MAN2B2: variants seen among roughly 807,000 people sequenced by gnomAD.
MAN2B2 encodes epididymis-specific alpha-mannosidase.
A neutral mutation model predicts 117.1 loss-of-function variants in MAN2B2; 106 were observed. The observed-to-expected ratio is 0.90, with a 90% CI of 0.77 to 1.06. The LOEUF (loss-of-function observed/expected upper bound fraction) is 1.06. MAN2B2 is among the 50% of genes least tolerant of loss of function. The pLI is 0.00. For synonymous variants in MAN2B2, 544 were observed against 595.1 expected, an observed-to-expected ratio of 0.91 and a Z score of 1.25; for missense variants, 1,326 against 1,381.4, an observed-to-expected ratio of 0.96 and a Z score of 0.64.
At chr4:6,593,795 A>G (rs2108743207) in intron 6 of MAN2B2, among the ~76,000 whole-genome samples, 1 of 152,334 alleles carries the variant, frequency 6.6e-6, no homozygotes, top group East Asian at 1.9e-4. Context: ...TGTGCTGGGC[A>G]CTGCCCCGTG....
At position 6,609,907 on chromosome 4, in the gene MAN2B2, G is replaced by C; in HGVS notation, c.2116G>C (p.Ala706Pro). 6.2e-7 allele frequency: 1 copy of C among 1,614,166 alleles called. No individual in the cohort carries two copies. Among genetic ancestry groups the C allele is most frequent in the Non-Finnish European group, 8.5e-7 (1 of 1,180,034 alleles). The change falls in exon 13 of 19, where the codon GCC becomes CCC. Residue 706 changes from alanine to proline, a missense_variant. Coordinates refer to ENST00000285599, the MANE Select transcript of MAN2B2 (RefSeq NM_015274.3). Reference protein sequence around the residue: ...LCHRIEQEYQAGPLELNREAV... With the variant: ...LCHRIEQEYQPGPLELNREAV... ...CCACCGGATAGAGCAGGAGTACCAA[G>C]CCGGCCCCCTGGAGCTGAACCGTGA... is the stretch of plus-strand genomic sequence containing the variant.
At chr4:6,594,477 C>T in intron 6 of MAN2B2, 57 bp from the exon 7 acceptor site, 1 of 1,566,934 alleles carries the variant, frequency 6.4e-7, no homozygotes, top group South Asian at 1.1e-5. Flanking sequence ...CGGCCCACCC[C>T]CACTGGGCGA....
chr4:6,595,383 C>A (rs1430462607), intron 7 of MAN2B2, among the ~76,000 whole-genome samples: 1 of 152,242 alleles, frequency 6.6e-6, no homozygotes, highest in African/African-American at 2.4e-5. Flanking sequence ...CAGGGCTCAG[C>A]AGATGTCCTA....
chr4:6,579,099 GCACCACCACCATCACCATCACCACTAC>G (rs1726218210), intron 3 of MAN2B2, among the ~76,000 whole-genome samples: 19 of 21,982 alleles, frequency 8.6e-4, no homozygotes, highest in African/African-American at 2.7e-3. Flanking sequence ...ACCATCACCA[GCACCACCACCATCACCATCACCACTAC>G]CACCACCACC....
Position 6,621,579 on chromosome 4 carries a change from A to C in MAN2B2, c.*294A>C. ...TGCGTCATTCATTCACAAAACACAA[A>C]CCCAGGACTTTCTGCCTAAGGCAGA... On this transcript the variant is annotated 3_prime_UTR_variant, in exon 19 of 19. Coordinates refer to ENST00000285599, the MANE Select transcript of MAN2B2 (RefSeq NM_015274.3). 2.1e-5 allele frequency: 6 copies of C among 286,938 alleles called. No individual in the cohort carries two copies. The highest frequency in any genetic ancestry group is 1.3e-5 in the Non-Finnish European group (2 of 152,084). 17.8% of individuals were successfully genotyped at this position (286,938 alleles called of 1,614,324 possible).
chr4:6,617,281 A>G, intron 16 of MAN2B2, 99 bp from the exon 17 acceptor site: 1 of 853,924 alleles, frequency 1.2e-6, no homozygotes, highest in East Asian at 2.5e-5. Context: ...GGTTACAGAT[A>G]GGAAATGGAG....
chr4:6,601,650 G>T (rs1364063493), intron 10 of MAN2B2, among the ~76,000 whole-genome samples: 1 of 152,214 alleles, frequency 6.6e-6, no homozygotes, highest in Non-Finnish European at 1.5e-5. Flanking sequence ...TATGGGCCTT[G>T]CCAGAAGGCA....
At position 6,610,998 on chromosome 4, in the gene MAN2B2, G is replaced by A. The variant is rs757090787; in HGVS notation, c.2370+8G>A. On this transcript the variant is annotated splice_region_variant and intron_variant, in intron 14 of 18. Transcript: ENST00000285599. ...GGGAATGGGCAGGTGGAGGTAGGAG[G>A]CACGGTCTGTCCTACAGCAGCCCCT... 6.2e-6 allele frequency: 10 copies of A among 1,613,928 alleles called. No individual in the cohort carries two copies. The highest frequency in any genetic ancestry group is 8.5e-6 in the Non-Finnish European group (10 of 1,179,930).
At chr4:6,579,213 C>CCACCACTACCACCACCATCACCAT (rs1726271090) in intron 3 of MAN2B2, among the ~76,000 whole-genome samples, 1 of 78,780 alleles carries the variant, frequency 1.3e-5, no homozygotes, top group Non-Finnish European at 2.8e-5. Context: ...ATCACCATCA[C>CCACCACTACCACCACCATCACCAT]CACCACCACC....
rs1252244983 is a variant in MAN2B2 at position 6,610,733 on chromosome 4, C to T, written c.2260-147C>T. On this transcript the variant is annotated intron_variant, in intron 13 of 18. Transcript: ENST00000285599. ...AAGCCACAGAGCTGGTGTCTGAACC[C>T]CAGTCTGTTGGTCTCCAAAGTCAGG... 5.9e-6 allele frequency: 4 copies of T among 682,640 alleles called. No individual in the cohort carries two copies. The East Asian group carries it at 1.1e-4, about 18-fold the overall frequency. 42.3% of individuals were successfully genotyped at this position (682,640 alleles called of 1,614,324 possible). A position where few individuals can be genotyped will look rare whatever the true frequency, so the allele number is the denominator to read the frequency against.
intron 10 of MAN2B2, among the ~76,000 whole-genome samples, chr4:6,600,995 G>C (rs1465593855): frequency 6.6e-6 from 1 of 152,136 alleles, no homozygotes; most frequent in Non-Finnish European, 1.5e-5. Context: ...AGTACCTGGA[G>C]TGAGCACAGA....
chr4:6,591,835 G>A (rs1473717067), intron 5 of MAN2B2, among the ~76,000 whole-genome samples: 1 of 152,146 alleles, frequency 6.6e-6, no homozygotes, highest in Admixed American at 6.5e-5. Context: ...CACATTCCTG[G>A]CTTGCTGTTC....
At chr4:6,598,134 T>C in intron 8 of MAN2B2, 64 bp from the exon 9 acceptor site, 1 of 1,559,192 alleles carries the variant, frequency 6.4e-7, no homozygotes, top group Non-Finnish European at 8.8e-7. Context: ...AGTAGGTGCC[T>C]TGTAGGTGCT....
chr4:6,610,828 C>T, intron 13 of MAN2B2, 52 bp from the exon 14 acceptor site: 1 of 1,526,524 alleles, frequency 6.6e-7, no homozygotes, highest in Non-Finnish European at 9.1e-7. Flanking sequence ...TGATGCCTGA[C>T]CTACCTTGCC....
intron 9 of MAN2B2, among the ~76,000 whole-genome samples, chr4:6,600,365 G>T (rs945057146): frequency 2.0e-5 from 3 of 152,196 alleles, no homozygotes; most frequent in African/African-American, 7.2e-5. Context: ...TAGAACCTCA[G>T]TTCTCCAGGG....
chr4:6,597,106 C>G lies in MAN2B2; in HGVS notation c.1058-7C>G. On this transcript the variant is annotated splice_polypyrimidine_tract_variant and splice_region_variant and intron_variant, in intron 7 of 18. Coordinates refer to ENST00000285599, the MANE Select transcript of MAN2B2 (RefSeq NM_015274.3). ...TCTCAAGCTCACCATCTTCCCTTGTCTCCCAGAACCATTCCAGGCCTGGAC... is the reference window on the plus strand; with the variant it reads ...TCTCAAGCTCACCATCTTCCCTTGTGTCCCAGAACCATTCCAGGCCTGGAC... 6.2e-7 allele frequency: 1 copy of G among 1,611,738 alleles called. No individual in the cohort carries two copies. Among genetic ancestry groups the G allele is most frequent in the Non-Finnish European group, 8.5e-7 (1 of 1,178,954 alleles).
chr4:6,605,679 A>G (rs1002832311), intron 11 of MAN2B2, among the ~76,000 whole-genome samples: 7 of 152,100 alleles, frequency 4.6e-5, no homozygotes, highest in African/African-American at 1.2e-4. Context: ...GGGACTTTCA[A>G]AATCATCTAA....
At chr4:6,584,224 C>T (rs938055208) in intron 3 of MAN2B2, among the ~76,000 whole-genome samples, 6 of 152,202 alleles carry the variant, frequency 3.9e-5, no homozygotes, top group Admixed American at 2.0e-4. Context: ...AACAAAGCGA[C>T]TTGAGTCTTA....
At chr4:6,609,707 C>T (rs1179840568) in intron 12 of MAN2B2, 91 bp from the exon 13 acceptor site, 4 of 1,035,720 alleles carry the variant, frequency 3.9e-6, no homozygotes, top group African/African-American at 1.6e-5. Flanking sequence ...CCCTGCCCTG[C>T]CCACCCTGCC....
Sources: gnomAD v4.1 joint callset for allele counts (sites outside exome capture counted in the v4.1 genomes callset) on GRCh38, gnomAD v4.1.1 for gene constraint, MANE v1.5 for transcripts, NCBI Gene and HGNC (gene_info 2026-07-23, HGNC 2026-07-21) for gene names.